Variants in SNX29 observed in about 807,000 individuals in gnomAD.
SNX29 encodes sorting nexin-29.
In SNX29, 78 loss-of-function variants were observed where a neutral mutation model predicts 102.1. The observed-to-expected ratio is 0.76, with a 90% CI of 0.64 to 0.92. The LOEUF (loss-of-function observed/expected upper bound fraction) is 0.92, where lower values mean the gene tolerates loss of function less well. Among genes scored for constraint, SNX29 ranks in the 40% least tolerant of loss-of-function variants. The pLI is 0.00. For synonymous variants in SNX29, 580 were observed against 414.5 expected (o/e 1.40, Z -4.85); for missense variants, 1,280 against 1,061.7 (o/e 1.21, Z -2.86).
chr16:12,444,155 T>C (rs1007515318), intron 18 of SNX29, among the ~76,000 whole-genome samples: 7 of 152,070 alleles, frequency 4.6e-5, no homozygotes, highest in Non-Finnish European at 8.8e-5. Flanking sequence ...GCACTCAGTA[T>C]AGCACCTAGC....
At chr16:12,310,775 G>A (rs1223103608) in intron 15 of SNX29, among the ~76,000 whole-genome samples, 1 of 152,100 alleles carries the variant, frequency 6.6e-6, no homozygotes, top group South Asian at 2.1e-4. Context: ...GCACTCTGCT[G>A]TCTGCTGGTT....
intron 20 of SNX29, among the ~76,000 whole-genome samples, chr16:12,560,296 C>T (rs1378987253): frequency 1.3e-5 from 2 of 152,134 alleles, no homozygotes; most frequent in African/African-American, 4.8e-5. Context: ...TTATTGAAAG[C>T]ACACTCAAAA....
chr16:12,531,409 T>C (rs1359759447), intron 20 of SNX29, among the ~76,000 whole-genome samples: 1 of 143,248 alleles, frequency 7.0e-6, no homozygotes, highest in African/African-American at 2.6e-5. Context: ...GCCCTCAAAA[T>C]GTTGCAGACA....
chr16:12,158,556 A>G (rs1454760025), intron 13 of SNX29, among the ~76,000 whole-genome samples: 1 of 152,142 alleles, frequency 6.6e-6, no homozygotes, highest in African/African-American at 2.4e-5. Flanking sequence ...ATTCTCACAT[A>G]TTTTGTGGTC....
intron 2 of SNX29, among the ~76,000 whole-genome samples, chr16:12,002,446 CAA>C (rs547796469): frequency 2.5e-4 from 22 of 88,372 alleles, no homozygotes; most frequent in Admixed American, 2.5e-4. Context: ...AACTCCATCT[CAA>C]AAAAAAAAAA....
chr16:12,554,491 C>T (rs1257504108), intron 20 of SNX29, among the ~76,000 whole-genome samples: 4 of 151,250 alleles, frequency 2.6e-5, no homozygotes, highest in African/African-American at 9.7e-5. Context: ...GGAGTGGTTT[C>T]CAAGCTTCCT....
At position 12,048,493 on chromosome 16, in the gene SNX29, G is replaced by C. The variant is rs1470801644; in HGVS notation, c.621G>C (p.Leu207=). The C allele has an allele frequency of 2.5e-6, 4 of 1,613,814 alleles. No individual in the cohort carries two copies. The South Asian group carries it at 4.4e-5, about 18-fold the overall frequency. ...KESTQNVTSL[L]KESTQGVSSL... is the part of the protein sequence containing the mutation. ...CAACGCAGAACGTGACCTCCTTGCT[G>C]AAGGAGTCCACGCAAGGAGTGAGCA... The change falls in exon 7 of 21, where the codon CTG becomes CTC. Residue 207 remains leucine (L), a synonymous_variant. Transcript: ENST00000566228.
At chr16:12,241,143 A>G (rs1483825751) in intron 14 of SNX29, among the ~76,000 whole-genome samples, 2 of 152,214 alleles carry the variant, frequency 1.3e-5, no homozygotes, top group African/African-American at 2.4e-5. Flanking sequence ...TCCAGTAGAA[A>G]AATAATTAAC....
At position 12,572,037 on chromosome 16, in the gene SNX29, G is replaced by A. The variant is rs2079198915; in HGVS notation, c.*3408G>A. The A allele has an allele frequency of 1.9e-6, 2 of 1,063,366 alleles. No homozygotes were observed. The highest frequency in any genetic ancestry group is 5.4e-5 in the Admixed American group (1 of 18,678). 65.9% of individuals were successfully genotyped at this position (1,063,366 alleles called of 1,614,324 possible). A position where few individuals can be genotyped will look rare whatever the true frequency, so the allele number is the denominator to read the frequency against. The stretch of plus-strand genomic sequence containing the variant: ...TGCTGGCTATAAAAGGGATCATCCA[G>A]TGGAGTTGTAAACAAGGGAACCATC... On this transcript the variant is annotated 3_prime_UTR_variant, in exon 21 of 21. Coordinates refer to ENST00000566228, the MANE Select transcript of SNX29 (RefSeq NM_032167.5).
intron 20 of SNX29, among the ~76,000 whole-genome samples, chr16:12,549,468 G>C (rs956075209): frequency 3.4e-5 from 5 of 147,496 alleles, no homozygotes; most frequent in African/African-American, 1.0e-4. Context: ...GAACTCCAGC[G>C]TGGGCAACAG....
At chr16:12,114,073 T>G (rs1233537876) in intron 11 of SNX29, among the ~76,000 whole-genome samples, 2 of 152,250 alleles carry the variant, frequency 1.3e-5, no homozygotes, top group African/African-American at 4.8e-5. Flanking sequence ...AATGTCATTT[T>G]TCTCATCCTG....
chr16:12,416,937 A>G (rs2084660810), intron 18 of SNX29, among the ~76,000 whole-genome samples: 1 of 151,930 alleles, frequency 6.6e-6, no homozygotes, highest in Non-Finnish European at 1.5e-5. Context: ...AAACATATCA[A>G]CCCCATAACT....
At position 12,570,677 on chromosome 16, in the gene SNX29, G is replaced by C. The variant is rs1598137518; in HGVS notation, c.*2048G>C. 1.3e-5 allele frequency: 3 copies of C among 231,768 alleles called. No homozygotes were observed. The East Asian group carries it at 1.8e-4, about 14-fold the overall frequency. The allele number at this position is 231,768 out of a possible 1,614,324, so 14.4% of individuals were successfully genotyped here. The stretch of plus-strand genomic sequence containing the variant: ...TCCCTTGGGCCCAGGCTTATGACCT[G>C]CACCTTTTCTGACACCTGCCCCCAA... On this transcript the variant is annotated 3_prime_UTR_variant, in exon 21 of 21. Coordinates refer to ENST00000566228, the MANE Select transcript of SNX29 (RefSeq NM_032167.5).
chr16:12,399,089 C>T (rs753008623), intron 17 of SNX29, among the ~76,000 whole-genome samples: 5 of 152,134 alleles, frequency 3.3e-5, no homozygotes, highest in Admixed American at 6.5e-5. Flanking sequence ...GAATCTCTGT[C>T]GCCCAGGCTG....
intron 11 of SNX29, among the ~76,000 whole-genome samples, chr16:12,119,549 C>A (rs1038986579): frequency 3.9e-5 from 6 of 152,318 alleles, no homozygotes; most frequent in Admixed American, 3.9e-4. Context: ...ATGTAGAAAC[C>A]ATAGTTCTAA....
chr16:12,377,117 A>G lies in SNX29; in HGVS notation c.1899+20838A>G, dbSNP rs955772894. On this transcript the variant is annotated intron_variant, in intron 16 of 20. Coordinates refer to ENST00000566228, the MANE Select transcript of SNX29 (RefSeq NM_032167.5). ...CAGACTTTCTGTGTTCTCCAGGCCTATACAAGCCTTTCTGCTGCAGTAACT... is the reference window on the plus strand; with the variant it reads ...CAGACTTTCTGTGTTCTCCAGGCCTGTACAAGCCTTTCTGCTGCAGTAACT... Among the ~76,000 whole-genome samples the G allele has an allele frequency of 7.2e-5, 11 of 152,320 alleles. No homozygotes were observed. The East Asian group carries it at 1.9e-3, about 27-fold the overall frequency.
At chr16:12,135,286 C>T (rs184394952) in intron 13 of SNX29, among the ~76,000 whole-genome samples, 78 of 152,346 alleles carry the variant, frequency 5.1e-4, no homozygotes, top group African/African-American at 1.8e-3. Context: ...CATGGATATG[C>T]AAAATTAACC....
chr16:12,163,040 C>G (rs1346430617), intron 13 of SNX29, among the ~76,000 whole-genome samples: 1 of 152,136 alleles, frequency 6.6e-6, no homozygotes, highest in Admixed American at 6.5e-5. Context: ...TACCACCATG[C>G]CCAGCTAATT....
intron 11 of SNX29, among the ~76,000 whole-genome samples, chr16:12,126,321 A>G (rs1031250905): frequency 6.6e-5 from 10 of 152,328 alleles, no homozygotes; most frequent in African/African-American, 2.4e-4. Context: ...AATTCTTACA[A>G]CACTTCTAGG....
Sources: allele counts gnomAD v4.1 joint callset (sites outside exome capture counted in the v4.1 genomes callset), GRCh38; gene constraint gnomAD v4.1.1; transcripts MANE v1.5; gene names NCBI Gene and HGNC (gene_info 2026-07-23, HGNC 2026-07-21).